The following ZNF207 variants were observed in gnomAD, a reference collection of about 807,000 sequenced individuals.
ZNF207 encodes zinc finger protein 207, also known as BUB3-interacting and GLEBS motif-containing protein ZNF207.
Under a neutral mutation model 60.2 loss-of-function variants are expected in ZNF207, and 24 were observed. The ratio of observed to expected loss-of-function variants is 0.40; its 90% CI spans 0.29 to 0.56. The LOEUF is 0.56. Among genes scored for constraint, ZNF207 ranks in the 20% least tolerant of loss-of-function variants. The pLI is 0.49. For synonymous variants in ZNF207, 236 were observed against 194.7 expected (o/e 1.21, Z -1.77); for missense variants, 452 against 636.6 (o/e 0.71, Z 3.12).
chr17:32,354,993 CTT>C (rs1343398460), intron 2 of ZNF207, among the ~76,000 whole-genome samples: 1 of 152,108 alleles, frequency 6.6e-6, no homozygotes, highest in Non-Finnish European at 1.5e-5. Flanking sequence ...CTTTAGAAGA[CTT>C]AGAATATTCC....
In ZNF207 at chr17:32,350,210, G is replaced by T. The variant is rs2041475836; in HGVS notation, c.-76G>T. 1.2e-6 allele frequency: 2 copies of T among 1,604,844 alleles called. No homozygotes were observed. Among genetic ancestry groups the T allele is most frequent in the Non-Finnish European group, 8.5e-7 (1 of 1,171,970 alleles). ...GGACGTGGTGGTAGCCGTTGGGTTG[G>T]GAAAGTGAGGGATTTTTGGCCTCGT... On this transcript the variant is annotated 5_prime_UTR_variant, in exon 1 of 12. Coordinates refer to ENST00000394670, the MANE Select transcript of ZNF207 (RefSeq NM_001098507.2).
At chr17:32,366,783 T>TC in intron 9 of ZNF207, 26 bp downstream of exon 9, 1 of 1,576,512 alleles carries the variant, frequency 6.3e-7, no homozygotes. Context: ...CAGTTTAAAA[T>TC]TGTTAAAATG....
In ZNF207 at chr17:32,380,005, T is replaced by C. The variant is rs1001097499; in HGVS notation, c.*10246T>C. 5.3e-5 allele frequency: 8 copies of C among 152,304 alleles called. No homozygotes were observed. Among genetic ancestry groups the C allele is most frequent in the African/African-American group, 1.9e-4 (8 of 41,462 alleles). 9.4% of individuals were successfully genotyped at this position (152,304 alleles called of 1,614,324 possible). A position where few individuals can be genotyped will look rare whatever the true frequency, so the allele number is the denominator to read the frequency against. On this transcript the variant is annotated 3_prime_UTR_variant, in exon 12 of 12. Transcript: ENST00000394670. ...TAATAAACAGTCAACTGTGATGCTT[T>C]TTAGTATGAACAATGATAGTTTTCT...
In ZNF207 at chr17:32,377,201, C is replaced by T. The variant is rs1445796132; in HGVS notation, c.*7442C>T. The stretch of plus-strand genomic sequence containing the variant: ...ATTGAAAAGTAATGGCATTCTTGCT[C>T]ATGATTTGCATTTGTTAGTGAGGTC... On this transcript the variant is annotated 3_prime_UTR_variant, in exon 12 of 12. Coordinates refer to ENST00000394670, the MANE Select transcript of ZNF207 (RefSeq NM_001098507.2). 2 of 151,928 alleles carry T rather than the reference C, an allele frequency of 1.3e-5. No homozygotes were observed. The highest frequency in any genetic ancestry group is 4.8e-5 in the African/African-American group (2 of 41,408). The allele number at this position is 151,928 out of a possible 1,614,324, so 9.4% of individuals were successfully genotyped here.
rs1274792542 is a variant in ZNF207, at chr17:32,377,129, G to A, written c.*7370G>A. The A allele has an allele frequency of 6.6e-6, 1 of 151,988 alleles. No individual in the cohort carries two copies. 9.4% of individuals were successfully genotyped at this position (151,988 alleles called of 1,614,324 possible). On this transcript the variant is annotated 3_prime_UTR_variant, in exon 12 of 12. Coordinates refer to ENST00000394670, the MANE Select transcript of ZNF207 (RefSeq NM_001098507.2). ...ACACATGGACCAATAGTGATTATTTGGGAGAGAACACTGGGTAGTATTGTT... is the reference window on the plus strand; with the variant it reads ...ACACATGGACCAATAGTGATTATTTAGGAGAGAACACTGGGTAGTATTGTT...
chr17:32,372,477 C>G lies in ZNF207; in HGVS notation c.*2718C>G, dbSNP rs1905517034. The G allele has an allele frequency of 1.3e-5, 2 of 152,102 alleles. No homozygotes were observed. Among genetic ancestry groups the G allele is most frequent in the Admixed American group, 1.3e-4 (2 of 15,280 alleles). 9.4% of individuals were successfully genotyped at this position (152,102 alleles called of 1,614,324 possible). A position where few individuals can be genotyped will look rare whatever the true frequency, so the allele number is the denominator to read the frequency against. On this transcript the variant is annotated 3_prime_UTR_variant, in exon 12 of 12. Transcript: ENST00000394670. Reference sequence around the variant, plus strand: ...TGCAAAGAAGGTTGATACTTTGTAGCAAGGTTTTTTGCTCTCTGTATAGGT... The same window carrying G: ...TGCAAAGAAGGTTGATACTTTGTAGGAAGGTTTTTTGCTCTCTGTATAGGT...
In ZNF207 at chr17:32,366,662, C is replaced by T; in HGVS notation, c.829-3C>T. On this transcript the variant is annotated splice_region_variant and splice_polypyrimidine_tract_variant and intron_variant, in intron 8 of 11. Coordinates refer to ENST00000394670, the MANE Select transcript of ZNF207 (RefSeq NM_001098507.2). ...TCATTGTTTCCTTTCTTTTATGCTA[C>T]AGATGGGGACACCTGTCACAAGCTC... The T allele has an allele frequency of 3.1e-6, 5 of 1,598,924 alleles. No individual in the cohort carries two copies. Among genetic ancestry groups the T allele is most frequent in the Non-Finnish European group, 4.3e-6 (5 of 1,175,008 alleles).
chr17:32,369,448 C>T lies in ZNF207; in HGVS notation c.1318C>T (p.Pro440Ser), dbSNP rs1459149122. The change falls in exon 11 of 12, where the codon CCT (proline) becomes TCT (serine). Residue 440 changes from proline (P) to serine (S), a missense_variant. Transcript: ENST00000394670. ...ACAAGGAATGAGACCCCCAATGCCACCTCATGGTATTCCTCTTTTTATGTT... is the reference window on the plus strand; with the variant it reads ...ACAAGGAATGAGACCCCCAATGCCATCTCATGGTATTCCTCTTTTTATGTT... ...QQQGMRPPMPPHGQYGGHHQG... is the reference protein window; with the variant it reads ...QQQGMRPPMPSHGQYGGHHQG... The T allele has an allele frequency of 6.2e-6, 10 of 1,613,754 alleles. No individual in the cohort carries two copies. Among genetic ancestry groups the T allele is most frequent in the Non-Finnish European group, 8.5e-6 (10 of 1,179,916 alleles).
chr17:32,351,997 C>A (rs1289871904), intron 2 of ZNF207, 85 bp downstream of exon 2: 1 of 1,364,602 alleles, frequency 7.3e-7, no homozygotes, highest in East Asian at 2.5e-5. Flanking sequence ...TTTTGAGTTT[C>A]GGTCTTGTCG....
chr17:32,360,808 T>C, intron 4 of ZNF207, 43 bp downstream of exon 4: 3 of 1,612,192 alleles, frequency 1.9e-6, no homozygotes, highest in Non-Finnish European at 2.5e-6. Context: ...TTTAGGACAT[T>C]ATTGATATTG....
In ZNF207 at chr17:32,364,381, G is replaced by T. The variant is rs373872125; in HGVS notation, c.671-949G>T. ...TTTTTCTTTTTTTTTTTTTTGAGAT[G>T]GAGTTTTGCTCTGTTGCCCAGGCTG... On this transcript the variant is annotated intron_variant, in intron 7 of 11. Transcript: ENST00000394670. 2.2e-5 allele frequency among the ~76,000 whole-genome samples: 3 copies of T among 135,582 alleles called. No homozygotes were observed. The East Asian group carries it at 6.1e-4, about 28-fold the overall frequency. The allele number at this position is 135,582 out of a possible 152,430, so 88.9% of individuals were successfully genotyped here.
chr17:32,360,617 A>G lies in ZNF207; in HGVS notation c.327A>G (p.Gln109=), dbSNP rs1442813218. The change falls in exon 4 of 12, where the codon CAA becomes CAG. Residue 109 remains glutamine (Q), a synonymous_variant. Transcript: ENST00000394670. ...TAACAGAAAGTCAAAAAAAGAAGCA[A>G]CAAGATGATTCTGATGAATATGATG... ...QKTQESQKKK[Q]QDDSDEYDDD... 1.9e-6 allele frequency: 3 copies of G among 1,601,678 alleles called. No individual in the cohort carries two copies. Among genetic ancestry groups the G allele is most frequent in the South Asian group, 1.2e-5 (1 of 86,954 alleles).
At chr17:32,363,124 C>CT (rs1463546176) in intron 7 of ZNF207, 140 bp downstream of exon 7, 3 of 605,560 alleles carry the variant, frequency 5.0e-6, no homozygotes, top group Non-Finnish European at 8.1e-6. Context: ...TATATGGACC[C>CT]TTTTTTAAAA....
intron 2 of ZNF207, among the ~76,000 whole-genome samples, chr17:32,355,107 G>C (rs968822793): frequency 2.0e-5 from 3 of 152,162 alleles, no homozygotes; most frequent in Non-Finnish European, 4.4e-5. Flanking sequence ...TTGATCTCAA[G>C]ATGGTCTGGC....
rs1170230583 is a variant in ZNF207, at chr17:32,375,848, A to C, written c.*6089A>C. The stretch of plus-strand genomic sequence containing the variant: ...AAGTCCTTTAAAAGGGGATTCAATT[A>C]TAAGGCTATTTGACTATAGGGCAGA... On this transcript the variant is annotated 3_prime_UTR_variant, in exon 12 of 12. Transcript: ENST00000394670. 1 of 152,096 alleles carries C rather than the reference A, an allele frequency of 6.6e-6. No individual in the cohort carries two copies. The highest frequency in any genetic ancestry group is 6.5e-5 in the Admixed American group (1 of 15,270). 9.4% of individuals were successfully genotyped at this position (152,096 alleles called of 1,614,324 possible).
intron 5 of ZNF207, chr17:32,361,170 G>T (rs1181400780): frequency 4.8e-6 from 3 of 628,442 alleles, no homozygotes; most frequent in Non-Finnish European, 8.1e-6. Context: ...TGGGTTTTAG[G>T]GTATATGTAA....
At chr17:32,351,378 G>A (rs901938443) in intron 1 of ZNF207, 4 of 1,046,422 alleles carry the variant, frequency 3.8e-6, no homozygotes, top group Non-Finnish European at 4.9e-6. Flanking sequence ...TCCTAATCCA[G>A]TTATTGCTAT....
In ZNF207 at chr17:32,373,762, G is replaced by A. The variant is rs1272392685; in HGVS notation, c.*4003G>A. The A allele has an allele frequency of 8.8e-6, 2 of 226,736 alleles. No homozygotes were observed. Among genetic ancestry groups the A allele is most frequent in the African/African-American group, 4.5e-5 (2 of 44,302 alleles). 14.0% of individuals were successfully genotyped at this position (226,736 alleles called of 1,614,324 possible). ...TGACAAAATTTGATATTTTTGATTG[G>A]AGGCAAGAAATGTTTCATTCAAGTT... On this transcript the variant is annotated 3_prime_UTR_variant, in exon 12 of 12. Coordinates refer to ENST00000394670, the MANE Select transcript of ZNF207 (RefSeq NM_001098507.2).
At chr17:32,358,469 A>G in intron 2 of ZNF207, 34 bp from the exon 3 acceptor site, 1 of 1,521,306 alleles carries the variant, frequency 6.6e-7, no homozygotes. Context: ...ATTCTTAAAA[A>G]AGACTTTTAT....
Sources: allele counts gnomAD v4.1 joint callset (sites outside exome capture counted in the v4.1 genomes callset), GRCh38; gene constraint gnomAD v4.1.1; transcripts MANE v1.5; gene names NCBI Gene and HGNC (gene_info 2026-07-23, HGNC 2026-07-21).